Variants in ROBO2 observed in about 807,000 individuals in gnomAD.
ROBO2 encodes roundabout guidance receptor 2, also known as roundabout homolog 2.
Under a neutral mutation model 160.8 loss-of-function variants are expected in ROBO2, and 53 were observed. The observed-to-expected ratio is 0.33, with a 90% CI of 0.26 to 0.41. The LOEUF (loss-of-function observed/expected upper bound fraction) is 0.41. Among genes scored for constraint, ROBO2 ranks in the 10% least tolerant of loss-of-function variants. ROBO2 has a pLI of 1.00. For missense variants in ROBO2, 1,577 were observed against 1,722.4 expected (o/e 0.92, Z 1.49); for synonymous variants, 664 against 611.7 (o/e 1.09, Z -1.26).
chr3:77,046,790 G>T (rs766865429), intron 1 of ROBO2, among the ~76,000 whole-genome samples: 1 of 152,158 alleles, frequency 6.6e-6, no homozygotes, highest in Admixed American at 6.5e-5. Flanking sequence ...AATATGTTTA[G>T]GTTATTCCTT....
chr3:76,191,193 TAAG>T (rs1376990279), intron 2 of ROBO2, among the ~76,000 whole-genome samples: 14 of 152,166 alleles, frequency 9.2e-5, no homozygotes, highest in African/African-American at 2.9e-4. Flanking sequence ...ATGGGGTAAT[TAAG>T]AAGTAACTCT....
chr3:77,003,703 C>G (rs1159838280), intron 2 of ROBO2, among the ~76,000 whole-genome samples: 1 of 152,072 alleles, frequency 6.6e-6, no homozygotes, highest in Non-Finnish European at 1.5e-5. Flanking sequence ...GCGCCTGCCA[C>G]CACACCCGGC....
intron 2 of ROBO2, among the ~76,000 whole-genome samples, chr3:77,433,484 T>TCGTATATATATATATATATATA (rs2078981421): frequency 3.3e-5 from 2 of 60,638 alleles, no homozygotes; most frequent in African/African-American, 1.3e-4. Context: ...CTCTGGCAAC[T>TCGTATATATATATATATATATA]TGTATATATA....
chr3:77,428,028 T>A (rs966510867), intron 2 of ROBO2, among the ~76,000 whole-genome samples: 2 of 152,208 alleles, frequency 1.3e-5, no homozygotes, highest in Non-Finnish European at 2.9e-5. Context: ...CTAGCTGTGA[T>A]ATCTCATTCC....
At chr3:75,965,110 C>T (rs1259677494) in intron 2 of ROBO2, 1 of 151,702 alleles carries the variant, frequency 6.6e-6, no homozygotes, top group Non-Finnish European at 1.5e-5. Flanking sequence ...CATCAGCACT[C>T]CCTACTTCTT....
chr3:76,313,288 T>C (rs1368825444), intron 2 of ROBO2, among the ~76,000 whole-genome samples: 1 of 152,260 alleles, frequency 6.6e-6, no homozygotes, highest in Non-Finnish European at 1.5e-5. Context: ...CGCCTTGATA[T>C]GCATATGTGT....
At chr3:76,126,883 A>T (rs560699110) in intron 2 of ROBO2, among the ~76,000 whole-genome samples, 1 of 152,210 alleles carries the variant, frequency 6.6e-6, no homozygotes, top group East Asian at 1.9e-4. Flanking sequence ...TATTAATTTG[A>T]TTTCATTAAT....
At chr3:77,472,736 C>G (rs916586506) in intron 2 of ROBO2, among the ~76,000 whole-genome samples, 1 of 151,962 alleles carries the variant, frequency 6.6e-6, no homozygotes, top group Non-Finnish European at 1.5e-5. Context: ...TTTAAAAATT[C>G]TATTTTTATT....
At chr3:76,715,824 T>C (rs1397331115) in intron 2 of ROBO2, among the ~76,000 whole-genome samples, 1 of 152,178 alleles carries the variant, frequency 6.6e-6, no homozygotes, top group Non-Finnish European at 1.5e-5. Flanking sequence ...TTTTATTCTC[T>C]CTTATTGGAG....
chr3:77,451,597 T>C (rs2081114087), intron 2 of ROBO2, among the ~76,000 whole-genome samples: 2 of 152,030 alleles, frequency 1.3e-5, no homozygotes, highest in African/African-American at 4.8e-5. Context: ...AATGAGAAGA[T>C]AATTGCAAGA....
At chr3:75,995,445 A>C (rs2065698224) in intron 2 of ROBO2, among the ~76,000 whole-genome samples, 1 of 152,192 alleles carries the variant, frequency 6.6e-6, no homozygotes, top group Admixed American at 6.5e-5. Context: ...AAAGTTAAAA[A>C]ACTGAGGTTT....
intron 1 of ROBO2, among the ~76,000 whole-genome samples, chr3:77,091,755 G>T (rs1338897027): frequency 2.0e-5 from 3 of 152,042 alleles, no homozygotes; most frequent in South Asian, 2.1e-4. Flanking sequence ...GAAGCAGGAG[G>T]CTCGCTTGAG....
intron 2 of ROBO2, among the ~76,000 whole-genome samples, chr3:77,316,336 T>C (rs1396233931): frequency 6.6e-6 from 1 of 152,176 alleles, no homozygotes; most frequent in Non-Finnish European, 1.5e-5. Context: ...AAAAGTCTCA[T>C]TCAGATGAGT....
intron 2 of ROBO2, among the ~76,000 whole-genome samples, chr3:76,065,110 A>G (rs2068208347): frequency 6.6e-6 from 1 of 152,136 alleles, no homozygotes; most frequent in East Asian, 1.9e-4. Flanking sequence ...CATAAAAATT[A>G]TTGTAAGAAA....
intron 6 of ROBO2, among the ~76,000 whole-genome samples, chr3:77,525,149 C>T (rs2091008012): frequency 1.3e-5 from 2 of 150,682 alleles, no homozygotes. Context: ...ACAGGGTCAA[C>T]TGACCCAAGA....
intron 2 of ROBO2, among the ~76,000 whole-genome samples, chr3:76,863,688 T>C (rs1294184639): frequency 6.6e-6 from 1 of 151,794 alleles, no homozygotes; most frequent in African/African-American, 2.4e-5. Context: ...GCCAAAGGAG[T>C]AGGTTCTTAA....
chr3:77,180,416 C>CTCTCTCTATATATATATA (rs1433740534), intron 2 of ROBO2, among the ~76,000 whole-genome samples: 113 of 90,702 alleles, frequency 1.2e-3, no homozygotes, highest in South Asian at 2.6e-3. Flanking sequence ...CTCTCTCTCT[C>CTCTCTCTATATATATATA]TATATATATA....
At chr3:75,967,799 A>C (rs1949171706) in intron 2 of ROBO2, among the ~76,000 whole-genome samples, 1 of 151,496 alleles carries the variant, frequency 6.6e-6, no homozygotes, top group Non-Finnish European at 1.5e-5. Context: ...TTCAGGAATC[A>C]CCTTATCAAG....
intron 2 of ROBO2, among the ~76,000 whole-genome samples, chr3:77,152,734 T>C (rs1172838539): frequency 1.3e-5 from 2 of 152,228 alleles, no homozygotes; most frequent in Non-Finnish European, 2.9e-5. Flanking sequence ...TTAATATTAC[T>C]GCCTATGACA....
Sources: gnomAD v4.1 joint callset for allele counts (sites outside exome capture counted in the v4.1 genomes callset) on GRCh38, gnomAD v4.1.1 for gene constraint, MANE v1.5 for transcripts, NCBI Gene and HGNC (gene_info 2026-07-23, HGNC 2026-07-21) for gene names.